CNTNAP2: variants seen among roughly 807,000 people sequenced by gnomAD.
CNTNAP2 encodes contactin associated protein 2.
In CNTNAP2, 98 loss-of-function variants were observed where a neutral mutation model predicts 155.2. The ratio of observed to expected loss-of-function variants is 0.63; its 90% CI spans 0.54 to 0.75. CNTNAP2 has a LOEUF of 0.75. Ranked by LOEUF, CNTNAP2 falls within the 30% of genes least tolerant of loss-of-function variation. CNTNAP2 has a pLI of 0.00. For synonymous variants in CNTNAP2, 651 were observed against 631.2 expected (o/e 1.03, Z -0.47); for missense variants, 1,727 against 1,688.1 (o/e 1.02, Z -0.40).
chr7:146,555,825 G>A (rs563592345), intron 1 of CNTNAP2, among the ~76,000 whole-genome samples: 15 of 152,128 alleles, frequency 9.9e-5, no homozygotes, highest in Non-Finnish European at 2.1e-4. Flanking sequence ...GGGTGACCTG[G>A]AAGAACATGT....
intron 21 of CNTNAP2, among the ~76,000 whole-genome samples, chr7:148,355,199 TGAGA>T (rs1443280036): frequency 7.5e-6 from 1 of 133,516 alleles, no homozygotes; most frequent in Non-Finnish European, 1.6e-5. Flanking sequence ...TTTTTTTTTT[TGAGA>T]CGGAGTCTTG....
chr7:146,386,827 T>G (rs1338687624), intron 1 of CNTNAP2, among the ~76,000 whole-genome samples: 1 of 152,240 alleles, frequency 6.6e-6, no homozygotes, highest in Non-Finnish European at 1.5e-5. Flanking sequence ...AATGATATAA[T>G]TCATGAAATC....
chr7:148,384,295 C>T (rs1390126033), intron 22 of CNTNAP2, among the ~76,000 whole-genome samples: 1 of 152,136 alleles, frequency 6.6e-6, no homozygotes, highest in Non-Finnish European at 1.5e-5. Context: ...AGATCCGTCT[C>T]CTGGCTCTGT....
At chr7:146,426,185 CAAAA>C (rs57484419) in intron 1 of CNTNAP2, among the ~76,000 whole-genome samples, 2,791 of 54,590 alleles carry the variant, frequency 0.051, 117 homozygotes, top group African/African-American at 0.2. Context: ...GACTTCGCCT[CAAAA>C]AAAAAAAAAA....
At chr7:146,842,953 G>C (rs1399453175) in intron 3 of CNTNAP2, among the ~76,000 whole-genome samples, 1 of 141,404 alleles carries the variant, frequency 7.1e-6, no homozygotes, top group Non-Finnish European at 1.5e-5. Flanking sequence ...CCAAAGTGCT[G>C]GGATTACAGG....
intron 17 of CNTNAP2, among the ~76,000 whole-genome samples, chr7:148,162,497 T>C (rs1805567467): frequency 6.6e-6 from 1 of 152,162 alleles, no homozygotes; most frequent in African/African-American, 2.4e-5. Context: ...CATCCACCAT[T>C]TTAGCAGTGG....
chr7:146,749,461 TTG>T (rs1801866327), intron 1 of CNTNAP2, among the ~76,000 whole-genome samples: 1 of 152,132 alleles, frequency 6.6e-6, no homozygotes. Flanking sequence ...TAATTTAAAC[TTG>T]TGTGTATGTT....
intron 1 of CNTNAP2, among the ~76,000 whole-genome samples, chr7:146,441,727 G>A (rs1203702921): frequency 1.3e-5 from 2 of 151,336 alleles, no homozygotes; most frequent in Non-Finnish European, 2.9e-5. Context: ...TCTCAGCATC[G>A]CCTCTCATCT....
intron 1 of CNTNAP2, among the ~76,000 whole-genome samples, chr7:146,420,066 C>T (rs926224862): frequency 9.2e-5 from 14 of 152,032 alleles, no homozygotes; most frequent in Admixed American, 3.9e-4. Flanking sequence ...AGAGAAGAAA[C>T]GGAGCTCTGT....
chr7:148,299,623 T>G (rs553579192), intron 21 of CNTNAP2, among the ~76,000 whole-genome samples: 2 of 152,358 alleles, frequency 1.3e-5, no homozygotes, highest in African/African-American at 4.8e-5. Context: ...CCCTCGGGCC[T>G]CAGCTCCGCC....
At chr7:146,682,033 A>G (rs1451462576) in intron 1 of CNTNAP2, among the ~76,000 whole-genome samples, 1 of 152,166 alleles carries the variant, frequency 6.6e-6, no homozygotes, top group African/African-American at 2.4e-5. Context: ...CTACATCATC[A>G]TATATCATCA....
chr7:146,945,345 T>G (rs1035934374), intron 3 of CNTNAP2, among the ~76,000 whole-genome samples: 5 of 152,228 alleles, frequency 3.3e-5, no homozygotes, highest in African/African-American at 1.2e-4. Context: ...TTGTAACAGA[T>G]TCTGAGGCAC....
At chr7:147,053,249 G>C (rs999215225) in intron 4 of CNTNAP2, among the ~76,000 whole-genome samples, 5 of 152,100 alleles carry the variant, frequency 3.3e-5, no homozygotes, top group African/African-American at 1.2e-4. Context: ...GTTACCATTT[G>C]AGGGTGACAT....
chr7:147,154,334 T>A (rs553494769), intron 8 of CNTNAP2, among the ~76,000 whole-genome samples: 1 of 152,244 alleles, frequency 6.6e-6, no homozygotes, highest in South Asian at 2.1e-4. Flanking sequence ...TTTAGGATGA[T>A]TATTTTTCAG....
intron 23 of CNTNAP2, among the ~76,000 whole-genome samples, chr7:148,413,445 TATTGCTCCATAGTTTTCTTGTAAC>T (rs1799900779): frequency 8.5e-6 from 1 of 117,034 alleles, no homozygotes; most frequent in African/African-American, 3.5e-5. Context: ...TATATATATA[TATTGCTCCATAGTTTTCTTGTAAC>T]ATTTTTCTGG....
intron 12 of CNTNAP2, among the ~76,000 whole-genome samples, chr7:147,575,629 T>A (rs1173966188): frequency 6.6e-6 from 1 of 151,844 alleles, no homozygotes; most frequent in Non-Finnish European, 1.5e-5. Context: ...CTAACCAAGG[T>A]GCAGCTTCTT....
intron 3 of CNTNAP2, among the ~76,000 whole-genome samples, chr7:146,999,245 A>T (rs1584774753): frequency 2.1e-5 from 1 of 46,544 alleles, no homozygotes; most frequent in Non-Finnish European, 4.5e-5. Flanking sequence ...TTTGATTGCA[A>T]AAAAAAAAAA....
At chr7:147,546,367 GTTAC>G (rs1368807355) in intron 11 of CNTNAP2, among the ~76,000 whole-genome samples, 16 of 152,294 alleles carry the variant, frequency 1.1e-4, no homozygotes, top group African/African-American at 2.4e-4. Flanking sequence ...ATAGAGTGAA[GTTAC>G]TTACTGTTTA....
At chr7:147,971,906 T>C (rs1392582965) in intron 14 of CNTNAP2, among the ~76,000 whole-genome samples, 4 of 152,224 alleles carry the variant, frequency 2.6e-5, no homozygotes, top group Admixed American at 1.3e-4. Context: ...AGTGTCACTT[T>C]AGTGTAATCC....
Sources: allele counts gnomAD v4.1 joint callset (sites outside exome capture counted in the v4.1 genomes callset), GRCh38; gene constraint gnomAD v4.1.1; transcripts MANE v1.5; gene names NCBI Gene and HGNC (gene_info 2026-07-23, HGNC 2026-07-21).